CCNY: variants seen among roughly 807,000 people sequenced by gnomAD.
The protein encoded by CCNY is cyclin Y.
CCNY carries 19 observed loss-of-function variants against 42.8 expected under a neutral mutation model. The ratio of observed to expected loss-of-function variants is 0.44; its 90% CI spans 0.31 to 0.65. CCNY has a LOEUF of 0.65. Ranked by LOEUF, CCNY falls within the 30% of genes least tolerant of loss-of-function variation. The pLI, the probability that CCNY is intolerant of heterozygous loss-of-function variation, is 0.07. For missense variants in CCNY, 370 were observed against 437.3 expected, an observed-to-expected ratio of 0.85 and a Z score of 1.37; for synonymous variants, 165 against 162.7, an observed-to-expected ratio of 1.01 and a Z score of -0.11.
Position 35,387,080 on chromosome 10 carries a change from T to C in CCNY, c.154+49873T>C, listed in dbSNP as rs372456066. Among the ~76,000 whole-genome samples the C allele has an allele frequency of 1.7e-4, 26 of 152,342 alleles. No individual in the cohort carries two copies. In the East Asian group the frequency reaches 5.0e-3, roughly 29 times the overall value. ...ACTACACTACTGAGAGGAATTCCACTGTCCTTTTATTCTAGAGGTGAATCT... is the reference window on the plus strand; with the variant it reads ...ACTACACTACTGAGAGGAATTCCACCGTCCTTTTATTCTAGAGGTGAATCT... On this transcript the variant is annotated intron_variant, in intron 1 of 9. Transcript: ENST00000374704.
intron 1 of CCNY, among the ~76,000 whole-genome samples, chr10:35,476,042 C>G (rs1158497824): frequency 1.3e-5 from 2 of 152,024 alleles, no homozygotes; most frequent in Non-Finnish European, 2.9e-5. Flanking sequence ...GAGACAAGGC[C>G]ATTACATAAT....
At chr10:35,501,701 C>G in intron 3 of CCNY, 166 bp downstream of exon 3, 1 of 624,626 alleles carries the variant, frequency 1.6e-6, no homozygotes, top group African/African-American at 1.8e-5. Flanking sequence ...AAGCATCACT[C>G]AGTATTTGTC....
chr10:35,466,110 G>A (rs974046321), intron 1 of CCNY, among the ~76,000 whole-genome samples: 6 of 152,010 alleles, frequency 3.9e-5, no homozygotes, highest in Admixed American at 3.3e-4. Context: ...GCTCATTTCT[G>A]TAGTCAGCAC....
At chr10:35,486,228 T>G (rs1839785124) in intron 2 of CCNY, among the ~76,000 whole-genome samples, 1 of 152,198 alleles carries the variant, frequency 6.6e-6, no homozygotes, top group Admixed American at 6.5e-5. Context: ...GAGATACATT[T>G]CTTCCCAGCT....
chr10:35,330,961 T>C (rs180974655), intron 3 of CCNY, among the ~76,000 whole-genome samples: 2 of 152,264 alleles, frequency 1.3e-5, no homozygotes, highest in Admixed American at 6.5e-5. Flanking sequence ...GGTTTTGCCA[T>C]GTTGGCCAGG....
intron 3 of CCNY, among the ~76,000 whole-genome samples, chr10:35,313,092 C>T (rs1835708909): frequency 6.6e-6 from 1 of 152,156 alleles, no homozygotes; most frequent in African/African-American, 2.4e-5. Flanking sequence ...ACCTTTCCCA[C>T]ACCTCAATTT....
At chr10:35,255,384 G>A (rs1157829682) in intron 3 of CCNY, among the ~76,000 whole-genome samples, 2 of 150,106 alleles carry the variant, frequency 1.3e-5, no homozygotes, top group Non-Finnish European at 3.0e-5. Context: ...GAAGTGGCAC[G>A]ATCTCGGCTC....
intron 2 of CCNY, among the ~76,000 whole-genome samples, chr10:35,494,237 C>CA (rs917092653): frequency 2.2e-5 from 3 of 139,058 alleles, no homozygotes; most frequent in Non-Finnish European, 3.2e-5. Flanking sequence ...TAGTGAGACC[C>CA]CCCCCCCCAT....
At chr10:35,442,323 AG>A (rs1838688964) in intron 1 of CCNY, among the ~76,000 whole-genome samples, 1 of 152,252 alleles carries the variant, frequency 6.6e-6, no homozygotes, top group Non-Finnish European at 1.5e-5. Context: ...TTGAAGCAGA[AG>A]CAATGTGAGT....
intron 1 of CCNY, among the ~76,000 whole-genome samples, chr10:35,428,808 C>T (rs759283670): frequency 9.2e-5 from 14 of 151,984 alleles, no homozygotes; most frequent in Admixed American, 2.0e-4. Context: ...TTGGGTGCTG[C>T]GTTCTGGTTT....
At chr10:35,271,454 C>A (rs2135043729) in intron 3 of CCNY, among the ~76,000 whole-genome samples, 1 of 152,280 alleles carries the variant, frequency 6.6e-6, no homozygotes, top group East Asian at 1.9e-4. Flanking sequence ...AGAAAAATCC[C>A]CTGTGCTTCT....
chr10:35,377,734 A>T (rs1408579015), intron 1 of CCNY, among the ~76,000 whole-genome samples: 3 of 152,230 alleles, frequency 2.0e-5, no homozygotes, highest in African/African-American at 4.8e-5. Flanking sequence ...ATACTAATTT[A>T]AAAAATAACA....
At chr10:35,391,610 G>C (rs1418156118) in intron 1 of CCNY, among the ~76,000 whole-genome samples, 1 of 152,208 alleles carries the variant, frequency 6.6e-6, no homozygotes, top group Non-Finnish European at 1.5e-5. Flanking sequence ...ATTCTTTGAA[G>C]AGAAACTTGG....
chr10:35,301,875 TG>T (rs1835537972), intron 3 of CCNY, among the ~76,000 whole-genome samples: 1 of 152,136 alleles, frequency 6.6e-6, no homozygotes, highest in South Asian at 2.1e-4. Flanking sequence ...TCAAGCGATC[TG>T]CCCGCCTCGG....
intron 2 of CCNY, among the ~76,000 whole-genome samples, chr10:35,489,920 C>A (rs1384371427): frequency 2.0e-5 from 3 of 152,202 alleles, no homozygotes; most frequent in Non-Finnish European, 4.4e-5. Context: ...TTTGGTGGCA[C>A]CTAGTTTAAC....
chr10:35,430,336 CAAAAAAAAA>C (rs397954370), intron 1 of CCNY, among the ~76,000 whole-genome samples: 2 of 55,576 alleles, frequency 3.6e-5, no homozygotes, highest in African/African-American at 1.2e-4. Flanking sequence ...GACTCCGTCT[CAAAAAAAAA>C]AAAAAAAAAA....
At chr10:35,311,668 A>AC (rs955692861) in intron 3 of CCNY, among the ~76,000 whole-genome samples, 15 of 150,756 alleles carry the variant, frequency 9.9e-5, no homozygotes, top group Non-Finnish European at 1.8e-4. Context: ...ACAGAGGGAG[A>AC]CCCCGTCCCC....
chr10:35,347,488 C>CA, intron 1 of CCNY: 1 of 946,752 alleles, frequency 1.1e-6, no homozygotes, highest in South Asian at 4.9e-5. Context: ...CTATATGTTT[C>CA]AAAACTGTGA....
intron 1 of CCNY, among the ~76,000 whole-genome samples, chr10:35,386,010 T>A (rs1404458493): frequency 2.6e-5 from 4 of 152,134 alleles, no homozygotes; most frequent in African/African-American, 9.7e-5. Flanking sequence ...TTCTGTTTTT[T>A]TTTTCCCCAG....
Sources: allele counts gnomAD v4.1 joint callset (sites outside exome capture counted in the v4.1 genomes callset), GRCh38; gene constraint gnomAD v4.1.1; transcripts MANE v1.5; gene names NCBI Gene and HGNC (gene_info 2026-07-23, HGNC 2026-07-21).